CAST: variants seen among roughly 807,000 people sequenced by gnomAD.
The protein encoded by CAST is MIR583 host.
CAST carries 76 observed loss-of-function variants against 119.6 expected under a neutral mutation model. That is an observed-to-expected ratio of 0.64 (90% CI 0.53 to 0.77). The LOEUF is 0.77. Ranked by LOEUF, CAST falls within the 30% of genes least tolerant of loss-of-function variation. CAST has a pLI of 0.00. For synonymous variants in CAST, 319 were observed against 331.6 expected (o/e 0.96, Z 0.41); for missense variants, 953 against 946.5 (o/e 1.01, Z -0.09).
At chr5:96,080,984 A>G in the CAST span, among the ~76,000 whole-genome samples, 1 of 152,214 alleles carries the variant, frequency 6.6e-6, no homozygotes. Context: ...TGCACAAAGA[A>G]GAGATGGCAC....
the CAST span, among the ~76,000 whole-genome samples, chr5:96,221,648 T>C: frequency 3.9e-5 from 6 of 152,114 alleles, no homozygotes; most frequent in Non-Finnish European, 5.9e-5. Flanking sequence ...ACTCATGGAC[T>C]AGAAGAGTCA....
the CAST span, chr5:96,408,288 C>A: frequency 6.2e-7 from 1 of 1,613,936 alleles, no homozygotes; most frequent in African/African-American, 1.3e-5. Flanking sequence ...TGCCTGTGTG[C>A]GTCTCCGTGC....
chr5:96,568,564 C>CAAAAAAAAA (rs70981830), intron 1 of CAST, among the ~76,000 whole-genome samples: 3 of 70,920 alleles, frequency 4.2e-5, no homozygotes, highest in African/African-American at 1.9e-4. Flanking sequence ...GACTCCATCT[C>CAAAAAAAAA]AAAAAAAAAA....
At chr5:96,524,581 T>C (rs1442575047), upstream of CAST, among the ~76,000 whole-genome samples, 1 of 152,178 alleles carries the variant, frequency 6.6e-6, no homozygotes, top group Non-Finnish European at 1.5e-5. Flanking sequence ...GATATTGGCC[T>C]TGAAGCATCT....
intron 2 of CAST, among the ~76,000 whole-genome samples, chr5:96,694,290 G>A (rs1260493939): frequency 6.6e-6 from 1 of 152,048 alleles, no homozygotes; most frequent in Non-Finnish European, 1.5e-5. Flanking sequence ...AATATTTACA[G>A]TACATTATTC....
At chr5:96,229,156 A>C in the CAST span, among the ~76,000 whole-genome samples, 63 of 151,944 alleles carry the variant, frequency 4.1e-4, no homozygotes, top group African/African-American at 1.4e-3. Context: ...ATAGAAAAGA[A>C]AGTTGTAAGT....
the CAST span, among the ~76,000 whole-genome samples, chr5:96,083,135 A>G: frequency 6.6e-6 from 1 of 152,238 alleles, no homozygotes; most frequent in Non-Finnish European, 1.5e-5. Context: ...AAATTGAGAT[A>G]CTCAATATGC....
the CAST span, among the ~76,000 whole-genome samples, chr5:96,197,336 A>G: frequency 6.6e-6 from 1 of 152,078 alleles, no homozygotes. Flanking sequence ...TCCCCTACTC[A>G]GCTGTCTACT....
chr5:96,770,435 G>C, intron 29 of CAST, 96 bp from the exon 30 acceptor site: 1 of 700,902 alleles, frequency 1.4e-6, no homozygotes, highest in South Asian at 1.7e-5. Flanking sequence ...TTAAATTGGA[G>C]ATCTCAGAAT....
intron 1 of CAST, among the ~76,000 whole-genome samples, chr5:96,654,166 G>C (rs1748128064): frequency 6.6e-6 from 1 of 151,878 alleles, no homozygotes; most frequent in Non-Finnish European, 1.5e-5. Context: ...TGGGATTACA[G>C]GTGTGCACCA....
chr5:96,261,768 A>G, the CAST span, among the ~76,000 whole-genome samples: 1 of 152,236 alleles, frequency 6.6e-6, no homozygotes, highest in Admixed American at 6.5e-5. Flanking sequence ...TTAATTTTAA[A>G]TACTTTTAGT....
chr5:96,160,886 T>A, the CAST span, among the ~76,000 whole-genome samples: 2 of 152,216 alleles, frequency 1.3e-5, no homozygotes, highest in African/African-American at 2.4e-5. Context: ...TGTATGTGCT[T>A]ATTGGTCATT....
the CAST span, among the ~76,000 whole-genome samples, chr5:96,492,725 A>C: frequency 6.6e-6 from 1 of 152,242 alleles, no homozygotes; most frequent in East Asian, 1.9e-4. Context: ...TGACAAAAAT[A>C]AACTCCAATG....
At chr5:96,730,113 G>C (rs1760147344) in intron 8 of CAST, among the ~76,000 whole-genome samples, 1 of 152,180 alleles carries the variant, frequency 6.6e-6, no homozygotes, top group Non-Finnish European at 1.5e-5. Context: ...TCTTTAAATG[G>C]AAATCCTAAA....
the CAST span, among the ~76,000 whole-genome samples, chr5:96,126,563 A>C: frequency 6.6e-6 from 1 of 151,682 alleles, no homozygotes; most frequent in Non-Finnish European, 1.5e-5. Context: ...ATTTTGACTT[A>C]GTGACTTTAT....
At chr5:96,748,659 T>C (rs779494911) in intron 19 of CAST, 46 bp downstream of exon 19, 3 of 969,048 alleles carry the variant, frequency 3.1e-6, no homozygotes, top group Admixed American at 4.0e-5. Context: ...GTTTGTGATC[T>C]TAAAAAAAAA....
chr5:96,599,972 A>AAAAAAAAAAAAG (rs1554070011), intron 1 of CAST, among the ~76,000 whole-genome samples: 4 of 142,546 alleles, frequency 2.8e-5, no homozygotes, highest in South Asian at 2.2e-4. Flanking sequence ...TAGGCAAAAA[A>AAAAAAAAAAAAG]AAAAAAAAAA....
chr5:96,401,421 C>T, the CAST span, among the ~76,000 whole-genome samples: 8 of 152,030 alleles, frequency 5.3e-5, no homozygotes, highest in Admixed American at 3.3e-4. Context: ...TGGGCCAGAG[C>T]GATGAGAACC....
the CAST span, among the ~76,000 whole-genome samples, chr5:95,979,975 AGGCATGGTGGTG>A: frequency 6.6e-6 from 1 of 151,976 alleles, no homozygotes. Flanking sequence ...AAAATTAGCC[AGGCATGGTGGTG>A]GGCACCTGTA....
Sources: gnomAD v4.1 joint callset for allele counts (sites outside exome capture counted in the v4.1 genomes callset) on GRCh38, gnomAD v4.1.1 for gene constraint, MANE v1.5 for transcripts, NCBI Gene and HGNC (gene_info 2026-07-23, HGNC 2026-07-21) for gene names.